Variants in SRRM1 observed in about 807,000 individuals in gnomAD.
SRRM1 encodes the protein serine/arginine repetitive matrix protein 1.
A neutral mutation model predicts 110.2 loss-of-function variants in SRRM1; 19 were observed. The observed-to-expected ratio is 0.17, with a 90% confidence interval of 0.12 to 0.25. SRRM1 has a LOEUF of 0.25. Among genes scored for constraint, SRRM1 ranks in the 10% least tolerant of loss-of-function variants. The pLI is 1.00. For synonymous variants in SRRM1, 443 were observed against 414.9 expected, an observed-to-expected ratio of 1.07 and a Z score of -0.82; for missense variants, 918 against 1,145.8, an observed-to-expected ratio of 0.80 and a Z score of 2.87.
In SRRM1 at chr1:24,652,580, G is replaced by A. The variant is rs142015455; in HGVS notation, c.872G>A (p.Arg291His). The A allele has an allele frequency of 3.7e-5, 59 of 1,613,374 alleles. No homozygotes were observed. In the East Asian group the frequency reaches 8.5e-4, roughly 23 times the overall value. ...AAATCAAGATCCCGGACGCGGTCCC[G>A]CTCTCCTTCTCACACTCGACCTAGA... ...RSKSRSRTRS[R>H]SPSHTRPRRR... Residue 291 changes from arginine (R) to histidine (H), a missense_variant, in exon 7 of 17, where the codon CGC (arginine) becomes CAC (histidine). Physicochemically the swap from Arg to His is conservative, Grantham distance 29 (BLOSUM62 0). Coordinates refer to ENST00000323848, the MANE Select transcript of SRRM1 (RefSeq NM_005839.4).
At chr1:24,669,037 C>T in intron 13 of SRRM1, 86 bp from the exon 14 acceptor site, 2 of 1,082,816 alleles carry the variant, frequency 1.8e-6, no homozygotes, top group Admixed American at 2.4e-5. Flanking sequence ...GTGCTAACTA[C>T]AGTATAGCCA....
intron 9 of SRRM1, among the ~76,000 whole-genome samples, chr1:24,658,202 G>A (rs1304460006): frequency 6.7e-6 from 1 of 148,458 alleles, no homozygotes; most frequent in Non-Finnish European, 1.5e-5. Context: ...TTGTTTGATG[G>A]TATAAATTTT....
intron 12 of SRRM1, 149 bp downstream of exon 12, chr1:24,662,953 T>C: frequency 8.5e-7 from 1 of 1,172,618 alleles, no homozygotes. Flanking sequence ...CTGTTTTGTT[T>C]TGTTTTTGCT....
At chr1:24,653,114 T>A in intron 8 of SRRM1, 82 bp downstream of exon 8, 7 of 1,372,670 alleles carry the variant, frequency 5.1e-6, no homozygotes, top group African/African-American at 2.9e-5. Context: ...TAAATTAGTG[T>A]CCCCTGGAAG....
In SRRM1 at chr1:24,652,615, A is replaced by G; in HGVS notation, c.907A>G (p.Arg303Gly). ...TCACACTCGACCTAGACGGCGCCATAGATCCCGATCAAGGTGAGTTGTGGC... is the reference window on the plus strand; with the variant it reads ...TCACACTCGACCTAGACGGCGCCATGGATCCCGATCAAGGTGAGTTGTGGC... Reference protein sequence around the residue: ...PSHTRPRRRHRSRSRSYSPRR... With the variant: ...PSHTRPRRRHGSRSRSYSPRR... The change falls in exon 7 of 17, where the codon AGA (arginine) becomes GGA (glycine). Residue 303 changes from arginine to glycine, a missense_variant. Arg to Gly is a moderately radical substitution (Grantham distance 125, BLOSUM62 -2). Transcript: ENST00000323848. 6.2e-7 allele frequency: 1 copy of G among 1,603,876 alleles called. No homozygotes were observed. Among genetic ancestry groups the G allele is most frequent in the Non-Finnish European group, 8.5e-7 (1 of 1,176,876 alleles).
chr1:24,668,159 A>C (rs1232983771), intron 13 of SRRM1, among the ~76,000 whole-genome samples: 1 of 151,576 alleles, frequency 6.6e-6, no homozygotes, highest in African/African-American at 2.4e-5. Context: ...TTTTGTAGAG[A>C]TGAGGTTTCA....
rs1671493399 is a variant in SRRM1, at chr1:24,669,117, T to C, written c.1740-6T>C. The C allele has an allele frequency of 6.2e-7, 1 of 1,603,140 alleles. No individual in the cohort carries two copies. The highest frequency in any genetic ancestry group is 2.2e-5 in the East Asian group (1 of 44,656). On this transcript the variant is annotated splice_polypyrimidine_tract_variant and splice_region_variant and intron_variant, in intron 13 of 16. Transcript: ENST00000323848. ...CTTTCAGCTTAATTATGTATCTTTT[T>C]CCTAGGACTCCTTCTCCTCCCCCAC...
At position 24,661,328 on chromosome 1, in the gene SRRM1, A is replaced by G. The variant is rs1330303930; in HGVS notation, c.1415A>G (p.Lys472Arg). ...CTTTCAGAAGAAGATAAAGGTGGCA[A>G]AATGGCTGCAGCAGATTCTGTGCAG... ...LSESEEDKGG[K>R]MAAADSVQQR... Residue 472 changes from lysine (K) to arginine (R), a missense_variant, in exon 11 of 17, where the codon AAA (lysine) becomes AGA (arginine). Transcript: ENST00000323848. 5 of 1,613,000 alleles carry G rather than the reference A, an allele frequency of 3.1e-6. No homozygotes were observed. The highest frequency in any genetic ancestry group is 1.7e-5 in the Admixed American group (1 of 59,926).
intron 3 of SRRM1, 61 bp from the exon 4 acceptor site, chr1:24,648,798 G>C: frequency 6.6e-7 from 1 of 1,507,642 alleles, no homozygotes; most frequent in Non-Finnish European, 9.1e-7. Context: ...TAGGTTGGTT[G>C]ATTTGTTGGT....
In SRRM1 at chr1:24,672,332, G is replaced by C. The variant is rs1332575962; in HGVS notation, c.*46G>C. ...GTAAATTTTATTTGGTTTGTACGCAGTTCAATTTCAAAATTGCTAAAATGT... is the reference window on the plus strand; with the variant it reads ...GTAAATTTTATTTGGTTTGTACGCACTTCAATTTCAAAATTGCTAAAATGT... On this transcript the variant is annotated 3_prime_UTR_variant, in exon 17 of 17. Coordinates refer to ENST00000323848, the MANE Select transcript of SRRM1 (RefSeq NM_005839.4). 19 of 1,381,866 alleles carry C rather than the reference G, an allele frequency of 1.4e-5. No homozygotes were observed. Among genetic ancestry groups the C allele is most frequent in the Admixed American group, 4.4e-5 (2 of 45,528 alleles). The allele number at this position is 1,381,866 out of a possible 1,614,324, so 85.6% of individuals were successfully genotyped here. A position where few individuals can be genotyped will look rare whatever the true frequency, so the allele number is the denominator to read the frequency against.
intron 16 of SRRM1, 51 bp from the exon 17 acceptor site, chr1:24,672,131 A>G: frequency 2.8e-6 from 4 of 1,418,170 alleles, no homozygotes; most frequent in Non-Finnish European, 3.9e-6. Flanking sequence ...TTTACTCGGC[A>G]TTTCCCACCA....
At chr1:24,656,855 A>C (rs560605304) in intron 9 of SRRM1, among the ~76,000 whole-genome samples, 49 of 152,342 alleles carry the variant, frequency 3.2e-4, no homozygotes, top group Admixed American at 2.0e-3. Flanking sequence ...CACAGATGCT[A>C]ATTTCTTGTG....
chr1:24,649,502 A>G (rs922530082), intron 4 of SRRM1, among the ~76,000 whole-genome samples: 1 of 152,144 alleles, frequency 6.6e-6, no homozygotes, highest in Non-Finnish European at 1.5e-5. Context: ...TATTTTTAGT[A>G]CAGACGGGAT....
intron 9 of SRRM1, among the ~76,000 whole-genome samples, chr1:24,659,668 A>T (rs1666123074): frequency 6.6e-6 from 1 of 152,210 alleles, no homozygotes; most frequent in African/African-American, 2.4e-5. Flanking sequence ...TGTCTTTGTG[A>T]CTGAGGTGAA....
At chr1:24,661,117 TTTA>T (rs1557709766) in intron 10 of SRRM1, 190 bp from the exon 11 acceptor site, 2 of 549,958 alleles carry the variant, frequency 3.6e-6, no homozygotes, top group Non-Finnish European at 3.3e-6. Flanking sequence ...CTAAATAAAT[TTTA>T]TTATATTTGG....
chr1:24,664,958 T>A (rs1297368675), intron 12 of SRRM1, among the ~76,000 whole-genome samples: 1 of 141,390 alleles, frequency 7.1e-6, no homozygotes, highest in African/African-American at 2.6e-5. Context: ...TCAACACTAA[T>A]GTTTATTGCT....
intron 11 of SRRM1, among the ~76,000 whole-genome samples, chr1:24,662,370 C>T (rs1230780370): frequency 6.6e-6 from 1 of 152,214 alleles, no homozygotes; most frequent in African/African-American, 2.4e-5. Flanking sequence ...TCTGCCTTGG[C>T]CTCCCAAATG....
intron 1 of SRRM1, among the ~76,000 whole-genome samples, chr1:24,644,919 G>T (rs752394495): frequency 5.3e-5 from 8 of 152,140 alleles, no homozygotes; most frequent in Non-Finnish European, 7.4e-5. Flanking sequence ...GTAAAGGTCT[G>T]GGAGAGGGGC....
rs1673307862 is a variant in SRRM1 at position 24,672,797 on chromosome 1, A to C, written c.*511A>C. ...GTATAAATGAATATTTTAATGCCAC[A>C]ATCTTTCCTGTTGCCTGTGGAGTCT... On this transcript the variant is annotated 3_prime_UTR_variant, in exon 17 of 17. Transcript: ENST00000323848. The C allele has an allele frequency of 6.5e-6, 1 of 152,718 alleles. No individual in the cohort carries two copies. Among genetic ancestry groups the C allele is most frequent in the South Asian group, 2.1e-4 (1 of 4,842 alleles). 9.5% of individuals were successfully genotyped at this position (152,718 alleles called of 1,614,324 possible). A position where few individuals can be genotyped will look rare whatever the true frequency, so the allele number is the denominator to read the frequency against.
Sources: gnomAD v4.1 joint callset for allele counts (sites outside exome capture counted in the v4.1 genomes callset) on GRCh38, gnomAD v4.1.1 for gene constraint, MANE v1.5 for transcripts, NCBI Gene and HGNC (gene_info 2026-07-23, HGNC 2026-07-21) for gene names.